MCM8: variants seen among roughly 807,000 people sequenced by gnomAD.
MCM8 encodes minichromosome maintenance 8 homologous recombination repair factor.
In MCM8, 85 loss-of-function variants were observed where a neutral mutation model predicts 98.9. That is an observed-to-expected ratio of 0.86 (90% confidence interval 0.72 to 1.03). The LOEUF (loss-of-function observed/expected upper bound fraction) is 1.03. Among genes scored for constraint, MCM8 ranks in the 50% least tolerant of loss-of-function variants. The pLI is 0.00. For missense variants in MCM8, 951 were observed against 997.8 expected, an observed-to-expected ratio of 0.95 and a Z score of 0.63; for synonymous variants, 352 against 338.6, an observed-to-expected ratio of 1.04 and a Z score of -0.44.
At chr20:5,989,870 A>G (rs983468009) in intron 17 of MCM8, among the ~76,000 whole-genome samples, 17 of 152,186 alleles carry the variant, frequency 1.1e-4, no homozygotes, top group African/African-American at 3.9e-4. Context: ...TTTGTAAGCA[A>G]CCGTGAGGTT....
intron 12 of MCM8, 61 bp downstream of exon 12, chr20:5,973,257 A>G (rs976004253): frequency 1.9e-6 from 3 of 1,593,748 alleles, no homozygotes; most frequent in African/African-American, 2.7e-5. Context: ...ATAATTCACA[A>G]GTGAATTTTC....
At chr20:5,980,295 T>A (rs1358225317) in intron 13 of MCM8, among the ~76,000 whole-genome samples, 1 of 152,196 alleles carries the variant, frequency 6.6e-6, no homozygotes, top group Non-Finnish European at 1.5e-5. Context: ...CCCTATTGGC[T>A]GAGTAGAACA....
chr20:5,994,208 C>G, intron 18 of MCM8, 91 bp from the exon 19 acceptor site: 1 of 689,190 alleles, frequency 1.5e-6, no homozygotes, highest in Non-Finnish European at 2.3e-6. Context: ...AGAAACTTTA[C>G]AGGTACATAT....
At chr20:5,967,099 A>T (rs1267432309) in intron 8 of MCM8, among the ~76,000 whole-genome samples, 1 of 152,146 alleles carries the variant, frequency 6.6e-6, no homozygotes, top group African/African-American at 2.4e-5. Context: ...GCCCATGTGT[A>T]TTCTGGACTT....
intron 17 of MCM8, among the ~76,000 whole-genome samples, 188 bp from the exon 18 acceptor site, chr20:5,993,318 A>ATATTTT (rs1287932922): frequency 6.6e-6 from 1 of 152,186 alleles, no homozygotes; most frequent in Non-Finnish European, 1.5e-5. Context: ...TGTGTCCAAA[A>ATATTTT]TATTTTTATT....
rs1228869044 is a variant in MCM8 at position 5,968,146 on chromosome 20, T to C, written c.1223+121T>C. The C allele has an allele frequency of 8.9e-6, 6 of 677,586 alleles. No individual in the cohort carries two copies. In the African/African-American group the frequency reaches 1.1e-4, roughly 12 times the overall value. 42.0% of individuals were successfully genotyped at this position (677,586 alleles called of 1,614,324 possible). A position where few individuals can be genotyped will look rare whatever the true frequency, so the allele number is the denominator to read the frequency against. The stretch of plus-strand genomic sequence containing the variant: ...ACTACAGTCCATGTACCAAATACAG[T>C]ACTCCATCCCCTTGAGTATGGCCTA... On this transcript the variant is annotated intron_variant, in intron 10 of 18. Transcript: ENST00000610722.
chr20:5,957,042 CTTTATA>C (rs1165309193), intron 5 of MCM8, 78 bp from the exon 6 acceptor site: 2 of 786,700 alleles, frequency 2.5e-6, no homozygotes, highest in Non-Finnish European at 3.9e-6. Flanking sequence ...TGTCCATAAA[CTTTATA>C]TTCTCTATAA....
At chr20:5,968,361 A>G (rs1451755764) in intron 10 of MCM8, among the ~76,000 whole-genome samples, 2 of 152,194 alleles carry the variant, frequency 1.3e-5, no homozygotes, top group Non-Finnish European at 2.9e-5. Flanking sequence ...CCTGGCCAAC[A>G]TGGTGAAACC....
intron 10 of MCM8, 31 bp downstream of exon 10, chr20:5,968,056 C>T (rs1157466403): frequency 6.4e-7 from 1 of 1,563,136 alleles, no homozygotes; most frequent in Non-Finnish European, 8.7e-7. Context: ...AATTTTATTA[C>T]ATAGATGCAT....
chr20:5,968,378 C>G (rs760389924), intron 10 of MCM8, among the ~76,000 whole-genome samples: 1 of 152,142 alleles, frequency 6.6e-6, no homozygotes, highest in Non-Finnish European at 1.5e-5. Context: ...AACCCTGTCT[C>G]TACTAAAAAT....
Position 5,987,324 on chromosome 20 carries a change from G to T in MCM8, c.2206G>T (p.Asp736Tyr). 6.2e-7 allele frequency: 1 copy of T among 1,613,308 alleles called. No individual in the cohort carries two copies. Among genetic ancestry groups the T allele is most frequent in the Admixed American group, 1.7e-5 (1 of 59,868 alleles). Reference protein sequence around the residue: ...LELREEATKEDAEDIVEIMKY... With the variant: ...LELREEATKEYAEDIVEIMKY... ...ATTGAGAGAGGAAGCAACCAAAGAA[G>T]ACGCTGAGGATATAGTGGAAATTAT... The change falls in exon 17 of 19, where the codon GAC becomes TAC. Residue 736 changes from aspartate to tyrosine, a missense_variant. Coordinates refer to ENST00000610722, the MANE Select transcript of MCM8 (RefSeq NM_032485.6).
intron 8 of MCM8, among the ~76,000 whole-genome samples, chr20:5,966,441 G>T (rs2089276542): frequency 6.6e-6 from 1 of 151,776 alleles, no homozygotes; most frequent in South Asian, 2.1e-4. Flanking sequence ...TTATATACAT[G>T]CTTTAAATTT....
intron 17 of MCM8, among the ~76,000 whole-genome samples, chr20:5,989,769 C>T (rs993032204): frequency 2.0e-5 from 3 of 152,110 alleles, no homozygotes; most frequent in Non-Finnish European, 4.4e-5. Flanking sequence ...CATGTCACCT[C>T]CTGAAGGTAC....
intron 5 of MCM8, among the ~76,000 whole-genome samples, chr20:5,956,340 C>G (rs1421015172): frequency 6.6e-6 from 1 of 152,196 alleles, no homozygotes; most frequent in Non-Finnish European, 1.5e-5. Flanking sequence ...ATGACAATTA[C>G]AGCTGTATAT....
chr20:5,993,954 C>T (rs558629091), intron 18 of MCM8: 4 of 361,362 alleles, frequency 1.1e-5, no homozygotes, highest in Non-Finnish European at 1.5e-5. Context: ...ATACCAATTC[C>T]TACTTCAAAG....
At position 5,972,035 on chromosome 20, in the gene MCM8, G is replaced by A. The variant is rs1274722053; in HGVS notation, c.1252G>A (p.Glu418Lys). 6.2e-7 allele frequency: 1 copy of A among 1,610,170 alleles called. No individual in the cohort carries two copies. Among genetic ancestry groups the A allele is most frequent in the Non-Finnish European group, 8.5e-7 (1 of 1,177,774 alleles). The change falls in exon 11 of 19, where the codon GAA (glutamate) becomes AAA (lysine). Residue 418 changes from glutamate (E) to lysine (K), a missense_variant and splice_region_variant. Physicochemically the swap from Glu to Lys is moderately conservative, Grantham distance 56 (BLOSUM62 1). Coordinates refer to ENST00000610722, the MANE Select transcript of MCM8 (RefSeq NM_032485.6). ...NSLCPVIFGH[E>K]LVKAGLALAL... The stretch of plus-strand genomic sequence containing the variant: ...GCTTTGCCCTGTCATTTTTGGTCAT[G>A]AAGTAAGTATTTTACTTCATCTTTA...
At chr20:5,973,223 T>C (rs757335131) in intron 12 of MCM8, 27 bp downstream of exon 12, 1 of 1,608,198 alleles carries the variant, frequency 6.2e-7, no homozygotes, top group Admixed American at 1.7e-5. Context: ...TTAGTGTTTG[T>C]TCTTTTGCTT....
rs1211629848 is a variant in MCM8, at chr20:5,997,924, A to G, written c.*3533A>G. The G allele has an allele frequency of 2.6e-5, 4 of 152,140 alleles. No homozygotes were observed. The highest frequency in any genetic ancestry group is 6.5e-5 in the Admixed American group (1 of 15,276). The allele number at this position is 152,140 out of a possible 1,614,324, so 9.4% of individuals were successfully genotyped here. ...TGTTAAGTAAATTGTATTGGTGGTA[A>G]TCAACTTGATCATTTCATTTTTAGG... On this transcript the variant is annotated 3_prime_UTR_variant, in exon 19 of 19. Coordinates refer to ENST00000610722, the MANE Select transcript of MCM8 (RefSeq NM_032485.6).
At position 5,974,346 on chromosome 20, in the gene MCM8, C is replaced by T. The variant is rs146241886; in HGVS notation, c.1395+1150C>T. The stretch of plus-strand genomic sequence containing the variant: ...TTTGCCATGTTGCCCAGGCTGGTCT[C>T]GAACTCCTGGGCTCAAGCAGATCCA... On this transcript the variant is annotated intron_variant, in intron 12 of 18. Coordinates refer to ENST00000610722, the MANE Select transcript of MCM8 (RefSeq NM_032485.6). Among the ~76,000 whole-genome samples the T allele has an allele frequency of 4.4e-3, 671 of 152,082 alleles. 3 individuals carry two copies. Among genetic ancestry groups the T allele is most frequent in the African/African-American group, 0.014 (580 of 41,508 alleles).
Sources: gnomAD v4.1 joint callset for allele counts (sites outside exome capture counted in the v4.1 genomes callset) on GRCh38, gnomAD v4.1.1 for gene constraint, MANE v1.5 for transcripts, NCBI Gene and HGNC (gene_info 2026-07-23, HGNC 2026-07-21) for gene names.